The following DNMT3A variants were observed in gnomAD, a reference collection of about 807,000 sequenced individuals.
DNMT3A encodes DNA (cytosine-5)-methyltransferase 3A.
Under a neutral mutation model 117.6 loss-of-function variants are expected in DNMT3A, and 267 were observed. The ratio of observed to expected loss-of-function variants is 2.27; its 90% CI spans 2.05 to 2.51. The LOEUF is 2.51. Ranked by LOEUF, DNMT3A falls within the 30% of genes most tolerant of loss-of-function variation. DNMT3A has a pLI of 0.00. For synonymous variants in DNMT3A, 432 were observed against 474.8 expected, an observed-to-expected ratio of 0.91 and a Z score of 1.17; for missense variants, 1,029 against 1,260.2, an observed-to-expected ratio of 0.82 and a Z score of 2.78.
intron 6 of DNMT3A, among the ~76,000 whole-genome samples, chr2:25,253,218 G>T (rs962816474): frequency 3.9e-5 from 6 of 152,064 alleles, no homozygotes; most frequent in African/African-American, 1.4e-4. Context: ...TACCCCCAAG[G>T]CAGACGCAGT....
intron 1 of DNMT3A, among the ~76,000 whole-genome samples, chr2:25,320,680 C>A (rs1013225999): frequency 2.0e-5 from 3 of 151,836 alleles, no homozygotes; most frequent in African/African-American, 7.3e-5. Flanking sequence ...TTACAGTGCA[C>A]CACAAGGCTC....
intron 1 of DNMT3A, among the ~76,000 whole-genome samples, chr2:25,335,693 C>T (rs774582093): frequency 5.3e-5 from 8 of 152,120 alleles, no homozygotes; most frequent in African/African-American, 9.7e-5. Context: ...TCCAGCTCTC[C>T]GGTTACTGGC....
chr2:25,248,704 C>T (rs902459481), intron 6 of DNMT3A, among the ~76,000 whole-genome samples: 1 of 152,014 alleles, frequency 6.6e-6, no homozygotes, highest in Non-Finnish European at 1.5e-5. Context: ...TGTACCACCA[C>T]ACCTGGCTAA....
intron 6 of DNMT3A, among the ~76,000 whole-genome samples, chr2:25,262,076 C>T (rs1409953327): frequency 2.6e-5 from 4 of 151,372 alleles, no homozygotes; most frequent in African/African-American, 4.9e-5. Context: ...TGTAACCCCA[C>T]CTACTCGGGA....
Position 25,252,378 on chromosome 2 carries a change from T to A in DNMT3A, c.640-4126A>T. The A allele has an allele frequency of 1.6e-6, 1 of 621,316 alleles. No individual in the cohort carries two copies. The highest frequency in any genetic ancestry group is 2.5e-6 in the Non-Finnish European group (1 of 406,140). The allele number at this position is 621,316 out of a possible 1,614,324, so 38.5% of individuals were successfully genotyped here. A position where few individuals can be genotyped will look rare whatever the true frequency, so the allele number is the denominator to read the frequency against. On this transcript the variant is annotated intron_variant, in intron 6 of 22. Transcript: ENST00000321117. This position sits in a 1 kb window ranked among gnomAD's most constrained non-coding sequence, Gnocchi z 5.5. ...AGGGAACATTTTCTTTGTCTAGGAC[T>A]CCAGGTCACGTGGGCCCCGCTGGAG...
In DNMT3A at chr2:25,236,938, T is replaced by A. The variant is rs1558654479; in HGVS notation, c.2476A>T (p.Lys826Ter). ...AGGTTCTAGACGCTGGAGCTGACCTTGGCTATCCTGCCATGCTCCAGACAC... is the reference window on the plus strand; with the variant it reads ...AGGTTCTAGACGCTGGAGCTGACCTAGGCTATCCTGCCATGCTCCAGACAC... ...QECLEHGRIA[K>*]FSKVRTITTR... The change falls in exon 21 of 23, where the codon AAG (lysine) becomes TAG (stop). Residue 826 changes from lysine to a stop codon, truncating the protein, a stop_gained and splice_region_variant. Coordinates refer to ENST00000321117, the MANE Select transcript of DNMT3A (RefSeq NM_022552.5). LOFTEE classifies it high-confidence loss of function. The surrounding 1 kb of genome is among the most constrained non-coding windows in gnomAD (Gnocchi z 4.5). 6.2e-7 allele frequency: 1 copy of A among 1,612,900 alleles called. No individual in the cohort carries two copies. The highest frequency in any genetic ancestry group is 2.2e-5 in the East Asian group (1 of 44,848).
chr2:25,246,889 A>G, intron 9 of DNMT3A, 113 bp from the exon 10 acceptor site: 1 of 1,525,518 alleles, frequency 6.6e-7, no homozygotes. Flanking sequence ...ATGGGGAGGA[A>G]CCGCTGAGGA....
chr2:25,247,474 G>C lies in DNMT3A; in HGVS notation c.1014+117C>G. ...CTTCCACCCACCACAGGCAGAGTAG[G>C]GGTGAGCAGAACCCACTTCCATCAC... On this transcript the variant is annotated intron_variant, in intron 8 of 22. Transcript: ENST00000321117. The surrounding 1 kb of genome is among the most constrained non-coding windows in gnomAD (Gnocchi z 5.6). 3 of 1,452,660 alleles carry C rather than the reference G, an allele frequency of 2.1e-6. No homozygotes were observed. In the East Asian group the frequency reaches 6.9e-5, roughly 33 times the overall value. The allele number at this position is 1,452,660 out of a possible 1,614,324, so 90.0% of individuals were successfully genotyped here.
intron 2 of DNMT3A, among the ~76,000 whole-genome samples, chr2:25,308,604 G>A (rs1203007355): frequency 2.0e-5 from 3 of 151,726 alleles, no homozygotes; most frequent in Non-Finnish European, 4.4e-5. Flanking sequence ...ATCGCTGGCT[G>A]GGTCTCTGAA....
rs1573286603 is a variant in DNMT3A at position 25,231,583 on chromosome 2, A to T, written c.*2696T>A. On this transcript the variant is annotated 3_prime_UTR_variant, in exon 23 of 23. Coordinates refer to ENST00000321117, the MANE Select transcript of DNMT3A (RefSeq NM_022552.5). ...TTCAATAGGTGAGGTTCACTGTCCC[A>T]TTTTTTTTCCCCAATGGAAGCCCCC... 6.6e-6 allele frequency: 1 copy of T among 151,990 alleles called. No homozygotes were observed. Among genetic ancestry groups the T allele is most frequent in the African/African-American group, 2.4e-5 (1 of 41,340 alleles). The allele number at this position is 151,990 out of a possible 1,614,324, so 9.4% of individuals were successfully genotyped here.
chr2:25,284,645 T>TAAAAAAAAAAAA (rs56901099), intron 3 of DNMT3A, among the ~76,000 whole-genome samples: 3 of 16,646 alleles, frequency 1.8e-4, no homozygotes, highest in African/African-American at 8.3e-4. Context: ...AGACTCCATC[T>TAAAAAAAAAAAA]AAAAAAAAAA....
chr2:25,315,280 T>C (rs2034325265), intron 1 of DNMT3A, among the ~76,000 whole-genome samples: 2 of 152,180 alleles, frequency 1.3e-5, no homozygotes, highest in Admixed American at 6.5e-5. Context: ...CTAGCCCCTT[T>C]CTCCAGGGGT....
chr2:25,326,108 A>ATGTG (rs61521265), intron 1 of DNMT3A, among the ~76,000 whole-genome samples: 11,909 of 142,202 alleles, frequency 0.084, 485 homozygotes, highest in East Asian at 0.12. Context: ...CTTGATATAT[A>ATGTG]TGTGTGTGTG....
At chr2:25,272,110 C>T (rs1402632673) in intron 6 of DNMT3A, among the ~76,000 whole-genome samples, 1 of 152,146 alleles carries the variant, frequency 6.6e-6, no homozygotes, top group Non-Finnish European at 1.5e-5. Context: ...CCTCAGCCTC[C>T]CAAGTAGCTG....
At chr2:25,302,703 G>A (rs1014729998) in intron 2 of DNMT3A, among the ~76,000 whole-genome samples, 2 of 152,210 alleles carry the variant, frequency 1.3e-5, no homozygotes, top group African/African-American at 4.8e-5. Context: ...TGTAAGAAAG[G>A]ATCACACAGA....
intron 4 of DNMT3A, among the ~76,000 whole-genome samples, chr2:25,278,922 G>A (rs1400777424): frequency 6.6e-6 from 1 of 152,194 alleles, no homozygotes; most frequent in African/African-American, 2.4e-5. Flanking sequence ...GAAGCATGAG[G>A]CCCTCTTTAA....
rs182458830 is a variant in DNMT3A at position 25,288,256 on chromosome 2, A to C, written c.178-5545T>G. Among the ~76,000 whole-genome samples the C allele has an allele frequency of 5.6e-3, 839 of 150,454 alleles. 10 individuals carry two copies. The highest frequency in any genetic ancestry group is 0.019 in the African/African-American group (771 of 41,064). ...GAGACCATCCTGGCTAACATGGTGA[A>C]ACCCCGAATCTACTAAAAATACAAA... On this transcript the variant is annotated intron_variant, in intron 3 of 22. Coordinates refer to ENST00000321117, the MANE Select transcript of DNMT3A (RefSeq NM_022552.5).
chr2:25,250,952 T>C (rs1675453226), intron 6 of DNMT3A, among the ~76,000 whole-genome samples: 1 of 152,162 alleles, frequency 6.6e-6, no homozygotes, highest in East Asian at 1.9e-4. Flanking sequence ...ACGGCCCCTT[T>C]GTCTCTCAGC....
intron 6 of DNMT3A, among the ~76,000 whole-genome samples, chr2:25,272,535 G>A (rs1048344746): frequency 1.1e-4 from 17 of 152,188 alleles, no homozygotes; most frequent in Admixed American, 2.0e-4. Context: ...TTCGCTCACA[G>A]AACCAGGAGC....
Sources: allele counts gnomAD v4.1 joint callset (sites outside exome capture counted in the v4.1 genomes callset), GRCh38; gene constraint gnomAD v4.1.1; non-coding constraint Gnocchi (gnomAD v3.1); transcripts MANE v1.5; gene names NCBI Gene and HGNC (gene_info 2026-07-23, HGNC 2026-07-21).